The following SVIL variants were observed in gnomAD, a reference collection of about 807,000 sequenced individuals.
SVIL encodes the protein supervillin, also known as archvillin.
In SVIL, 101 loss-of-function variants were observed where a neutral mutation model predicts 240.4. The ratio of observed to expected loss-of-function variants is 0.42; its 90% CI spans 0.36 to 0.50. The LOEUF is 0.50. SVIL is among the 20% of genes least tolerant of loss of function. The pLI is 0.01. For synonymous variants in SVIL, 999 were observed against 1,100.0 expected (o/e 0.91, Z 1.82); for missense variants, 2,512 against 2,818.7 (o/e 0.89, Z 2.46).
intron 2 of SVIL, among the ~76,000 whole-genome samples, chr10:29,658,563 T>A (rs1264600966): frequency 2.0e-5 from 3 of 152,126 alleles, no homozygotes; most frequent in African/African-American, 7.2e-5. Context: ...TCAAGACCAG[T>A]CTGCAACAAA....
At chr10:29,701,773 C>T in intron 1 of SVIL, among the ~76,000 whole-genome samples, 1 of 152,118 alleles carries the variant, frequency 6.6e-6, no homozygotes, top group African/African-American at 2.4e-5. Flanking sequence ...TTATAAGGCC[C>T]CAAGCTATCT....
intron 1 of SVIL, among the ~76,000 whole-genome samples, chr10:29,697,661 C>T (rs2132634627): frequency 8.2e-6 from 1 of 121,320 alleles, no homozygotes; most frequent in Admixed American, 8.8e-5. Flanking sequence ...TCTCAAGTAC[C>T]CAGGGACACA....
intron 32 of SVIL, 70 bp from the exon 33 acceptor site, chr10:29,467,945 T>G: frequency 6.6e-7 from 1 of 1,512,854 alleles, no homozygotes; most frequent in African/African-American, 1.4e-5. Context: ...TTATTATTAC[T>G]ATTATGATAA....
In SVIL at chr10:29,608,644, C is replaced by G. The variant is rs1399833226; in HGVS notation, c.-201+25776G>C. ...AAGCAAAGTTGTGGCAGACCCAGCA[C>G]CCTGCTGCCTCAGCCCTTTCTGGAC... On this transcript the variant is annotated intron_variant, in intron 1 of 37. Coordinates refer to ENST00000355867, the MANE Select transcript of SVIL (RefSeq NM_021738.3). Among the ~76,000 whole-genome samples, 4 of 152,386 alleles carry G rather than the reference C, an allele frequency of 2.6e-5. No individual in the cohort carries two copies. The South Asian group carries it at 6.2e-4, about 24-fold the overall frequency.
In SVIL at chr10:29,554,925, T is replaced by C. The variant is rs1953762826; in HGVS notation, c.18A>G (p.Arg6=). 6.2e-7 allele frequency: 1 copy of C among 1,610,800 alleles called. No individual in the cohort carries two copies. Among genetic ancestry groups the C allele is most frequent in the African/African-American group, 1.3e-5 (1 of 74,686 alleles). Residue 6 remains arginine, a synonymous_variant, in exon 5 of 38, where the codon AGA becomes AGG. Coordinates refer to ENST00000355867, the MANE Select transcript of SVIL (RefSeq NM_021738.3). ...CAATCCCTTCCAGGCGCCTGGCAAT[T>C]CTTTCTTTTCTGTGAAATACACCAC... The part of the protein sequence containing the change: MKRKE[R]IARRLEGIEN...
intron 16 of SVIL, among the ~76,000 whole-genome samples, chr10:29,515,620 C>T (rs1448693052): frequency 6.6e-6 from 1 of 152,212 alleles, no homozygotes; most frequent in Non-Finnish European, 1.5e-5. Context: ...TCACCTTCCA[C>T]CCAGGCTGGC....
At chr10:29,507,070 A>G (rs1156477298) in intron 17 of SVIL, among the ~76,000 whole-genome samples, 3 of 152,106 alleles carry the variant, frequency 2.0e-5, no homozygotes, top group Non-Finnish European at 2.9e-5. Context: ...TGGGGTTCAG[A>G]GAGGCTACAG....
chr10:29,510,512 C>G (rs1272674782), intron 17 of SVIL, among the ~76,000 whole-genome samples: 2 of 150,598 alleles, frequency 1.3e-5, no homozygotes, highest in African/African-American at 4.9e-5. Flanking sequence ...GCAGCAGCCT[C>G]TCAGCACACA....
intron 1 of SVIL, among the ~76,000 whole-genome samples, chr10:29,700,078 G>A (rs143653290): frequency 9.2e-5 from 14 of 152,262 alleles, no homozygotes; most frequent in African/African-American, 3.4e-4. Context: ...AAACATAGAC[G>A]AAATAAATGA....
intron 2 of SVIL, among the ~76,000 whole-genome samples, chr10:29,684,024 T>TA (rs1398764870): frequency 2.0e-5 from 3 of 152,138 alleles, no homozygotes; most frequent in African/African-American, 7.2e-5. Context: ...GTAATTTTTT[T>TA]AATGTGTGAA....
At chr10:29,552,479 C>T (rs948178211) in intron 5 of SVIL, among the ~76,000 whole-genome samples, 6 of 149,542 alleles carry the variant, frequency 4.0e-5, no homozygotes, top group African/African-American at 1.5e-4. Context: ...AGGAGAATCA[C>T]TTGAACCCGG....
chr10:29,497,054 G>A (rs1442046265), intron 18 of SVIL, among the ~76,000 whole-genome samples: 1 of 152,168 alleles, frequency 6.6e-6, no homozygotes, highest in South Asian at 2.1e-4. Context: ...TTGGCAAATG[G>A]TACCTCATTC....
intron 1 of SVIL, among the ~76,000 whole-genome samples, chr10:29,721,129 T>A (rs2132693788): frequency 6.6e-6 from 1 of 152,280 alleles, no homozygotes; most frequent in Middle Eastern, 3.4e-3. Flanking sequence ...ATTACAAGTG[T>A]GAGCCCCTAT....
chr10:29,622,538 G>A (rs1041262651), intron 1 of SVIL, among the ~76,000 whole-genome samples: 1 of 152,116 alleles, frequency 6.6e-6, no homozygotes, highest in African/African-American at 2.4e-5. Flanking sequence ...ACAGTTCGCT[G>A]GGTAATCACA....
intron 17 of SVIL, among the ~76,000 whole-genome samples, chr10:29,500,598 T>C (rs1412130856): frequency 6.6e-6 from 1 of 152,162 alleles, no homozygotes; most frequent in African/African-American, 2.4e-5. Flanking sequence ...TCTAGGAGGT[T>C]CCCCAGATTG....
rs529086982 is a variant in SVIL at position 29,673,581 on chromosome 10, G to C, written c.-301+12972C>G. ...GCACGTCTTACATGGCATTAGGGGG[G>C]AGAGAGAGAGAGAGAGAGAGAGAGC... On this transcript the variant is annotated intron_variant, in intron 2 of 35. Coordinates refer to the SVIL transcript ENST00000375400. Among the ~76,000 whole-genome samples the C allele has an allele frequency of 4.5e-3, 363 of 81,250 alleles. 1 individual carries two copies. The highest frequency in any genetic ancestry group is 0.019 in the African/African-American group (343 of 18,188). 53.3% of individuals were successfully genotyped at this position (81,250 alleles called of 152,430 possible). A position where few individuals can be genotyped will look rare whatever the true frequency, so the allele number is the denominator to read the frequency against.
intron 16 of SVIL, among the ~76,000 whole-genome samples, chr10:29,514,070 A>G (rs1950041802): frequency 1.3e-5 from 2 of 152,252 alleles, no homozygotes; most frequent in South Asian, 4.1e-4. Context: ...CCAAATAATT[A>G]GATCCTTTTC....
At chr10:29,493,912 C>T (rs56339029) in intron 20 of SVIL, among the ~76,000 whole-genome samples, 1,691 of 152,162 alleles carry the variant, frequency 0.011, 25 homozygotes, top group African/African-American at 0.036. Context: ...TGGTGGCTTA[C>T]GCTTATAATC....
At chr10:29,458,786 T>TAAA in intron 36 of SVIL, 197 bp from the exon 37 acceptor site, 1 of 417,606 alleles carries the variant, frequency 2.4e-6, no homozygotes. Flanking sequence ...TTTTAATTTT[T>TAAA]AAAATTTTTA....
Sources: allele counts gnomAD v4.1 joint callset (sites outside exome capture counted in the v4.1 genomes callset), GRCh38; gene constraint gnomAD v4.1.1; transcripts MANE v1.5; gene names NCBI Gene and HGNC (gene_info 2026-07-23, HGNC 2026-07-21).